The following WDR41 variants were observed in gnomAD, a reference collection of about 807,000 sequenced individuals.
WDR41 encodes WD repeat-containing protein 41.
Under a neutral mutation model 69.3 loss-of-function variants are expected in WDR41, and 63 were observed. The ratio of observed to expected loss-of-function variants is 0.91; its 90% CI spans 0.74 to 1.12. WDR41 has a LOEUF of 1.12. Among genes scored for constraint, WDR41 ranks in the 50% most tolerant of loss-of-function variants. WDR41 has a pLI of 0.00. For synonymous variants in WDR41, 185 were observed against 192.1 expected, an observed-to-expected ratio of 0.96 and a Z score of 0.31; for missense variants, 543 against 534.5, an observed-to-expected ratio of 1.02 and a Z score of -0.16.
At chr5:77,616,131 T>G (rs1190242620) in intron 1 of WDR41, among the ~76,000 whole-genome samples, 1 of 152,148 alleles carries the variant, frequency 6.6e-6, no homozygotes, top group East Asian at 1.9e-4. Flanking sequence ...CTTTTTTTTT[T>G]TTAGGTGGGG....
At chr5:77,602,440 C>A (rs1424594653) in intron 1 of WDR41, among the ~76,000 whole-genome samples, 1 of 152,086 alleles carries the variant, frequency 6.6e-6, no homozygotes, top group East Asian at 1.9e-4. Flanking sequence ...GTGCCCAGCC[C>A]ATTCTACTCT....
chr5:77,498,184 T>C (rs998219916), intron 1 of WDR41, among the ~76,000 whole-genome samples: 1 of 152,228 alleles, frequency 6.6e-6, no homozygotes, highest in African/African-American at 2.4e-5. Flanking sequence ...TATACAATAT[T>C]GTGAATGTAC....
At chr5:77,612,873 A>T (rs1348802170) in intron 1 of WDR41, among the ~76,000 whole-genome samples, 1 of 151,898 alleles carries the variant, frequency 6.6e-6, no homozygotes, top group East Asian at 1.9e-4. Context: ...TGCAGATGAC[A>T]TGATTGTATA....
chr5:77,545,740 T>C lies in WDR41; in HGVS notation c.43-56168A>G, dbSNP rs1194308881. ...GACCCACGCTGGCCAGTGCACCAGG[T>C]TCAAGGCGTTTGTTGCCTTGACTAC... On this transcript the variant is annotated intron_variant, in intron 1 of 5. Coordinates refer to the WDR41 transcript ENST00000509971. 3 of 584,414 alleles carry C rather than the reference T, an allele frequency of 5.1e-6. No individual in the cohort carries two copies. The African/African-American group carries it at 5.8e-5, about 11-fold the overall frequency. 36.2% of individuals were successfully genotyped at this position (584,414 alleles called of 1,614,324 possible). A position where few individuals can be genotyped will look rare whatever the true frequency, so the allele number is the denominator to read the frequency against.
Position 77,453,791 on chromosome 5 carries a change from T to C in WDR41, c.523+26A>G, listed in dbSNP as rs562688189. 4.5e-6 allele frequency: 7 copies of C among 1,571,178 alleles called. No homozygotes were observed. The African/African-American group carries it at 8.1e-5, about 18-fold the overall frequency. On this transcript the variant is annotated intron_variant, in intron 6 of 12. Transcript: ENST00000296679. The stretch of plus-strand genomic sequence containing the variant: ...GTGTCTTCTAGTCTGTCAATCATAG[T>C]TCAAAATTACCTTGATGTTTTTTAC...
intron 1 of WDR41, among the ~76,000 whole-genome samples, chr5:77,566,730 T>C (rs1430419270): frequency 3.9e-5 from 6 of 152,168 alleles, no homozygotes; most frequent in Admixed American, 3.3e-4. Flanking sequence ...GTCAGGATAA[T>C]AAGTGACTTG....
At chr5:77,478,032 G>C (rs1165141787) in intron 2 of WDR41, among the ~76,000 whole-genome samples, 1 of 152,136 alleles carries the variant, frequency 6.6e-6, no homozygotes, top group Non-Finnish European at 1.5e-5. Flanking sequence ...TACCATCAGA[G>C]AATATTACAG....
rs562053334 is a variant in WDR41 at position 77,583,208 on chromosome 5, G to T, written c.42+37271C>A. 2.7e-4 allele frequency: 204 copies of T among 751,450 alleles called. No homozygotes were observed. The African/African-American group carries it at 3.2e-3, about 12-fold the overall frequency. The allele number at this position is 751,450 out of a possible 1,614,324, so 46.5% of individuals were successfully genotyped here. A position where few individuals can be genotyped will look rare whatever the true frequency, so the allele number is the denominator to read the frequency against. On this transcript the variant is annotated intron_variant, in intron 1 of 5. Transcript: ENST00000509971. Reference sequence around the variant, plus strand: ...TTGAAATAAAAAAAAAAAGTGCAGAGGTTGAATTAGTAATTAAAAAAGCTA... The same window carrying T: ...TTGAAATAAAAAAAAAAAGTGCAGATGTTGAATTAGTAATTAAAAAAGCTA...
At chr5:77,582,583 C>T (rs1355262106) in intron 1 of WDR41, 2 of 1,600,032 alleles carry the variant, frequency 1.2e-6, no homozygotes, top group East Asian at 2.2e-5. Flanking sequence ...AACTGAAATT[C>T]GAGTGGCGAG....
chr5:77,543,407 G>A (rs189243795), intron 1 of WDR41, among the ~76,000 whole-genome samples: 21 of 151,472 alleles, frequency 1.4e-4, no homozygotes, highest in Admixed American at 5.2e-4. Flanking sequence ...TCCAAAAAAC[G>A]ATGCAAGTGA....
intron 2 of WDR41, among the ~76,000 whole-genome samples, chr5:77,483,264 A>G (rs1372824164): frequency 6.6e-6 from 1 of 151,990 alleles, no homozygotes; most frequent in Non-Finnish European, 1.5e-5. Context: ...CAGCCTCCCA[A>G]GTAGCTTGGA....
chr5:77,607,527 T>C (rs1021912461), intron 1 of WDR41, among the ~76,000 whole-genome samples: 1 of 152,248 alleles, frequency 6.6e-6, no homozygotes, highest in African/African-American at 2.4e-5. Context: ...CCAGGTCTAC[T>C]GCTACTTACC....
At position 77,453,930 on chromosome 5, in the gene WDR41, T is replaced by G. The variant is rs139443215; in HGVS notation, c.412-2A>C. ...TAGTCTCTGAAGAACAGTTAAACAC[T>G]GCAAAATTTATTTGAAATGTATATC... On this transcript the variant is annotated splice_acceptor_variant, in intron 5 of 12. Transcript: ENST00000296679. LOFTEE classifies it high-confidence loss of function. The G allele has an allele frequency of 5.0e-6, 8 of 1,609,946 alleles. No homozygotes were observed. Among genetic ancestry groups the G allele is most frequent in the South Asian group, 1.1e-5 (1 of 90,964 alleles).
chr5:77,568,865 G>A (rs1297221566), intron 1 of WDR41, among the ~76,000 whole-genome samples: 17 of 152,282 alleles, frequency 1.1e-4, no homozygotes, highest in Middle Eastern at 3.4e-3. Flanking sequence ...TCTGTGCTAC[G>A]TGTGCCGGAT....
chr5:77,604,378 G>A (rs1186311224), intron 1 of WDR41, among the ~76,000 whole-genome samples: 1 of 152,106 alleles, frequency 6.6e-6, no homozygotes, highest in Non-Finnish European at 1.5e-5. Context: ...TTCTCAGCTA[G>A]TTCTGGTGCT....
chr5:77,596,947 A>T (rs1455627073), intron 1 of WDR41, among the ~76,000 whole-genome samples: 1 of 151,842 alleles, frequency 6.6e-6, no homozygotes, highest in Admixed American at 6.6e-5. Context: ...GCGAAACCCC[A>T]TTTCTACAAA....
chr5:77,512,745 C>CAAAAAAAAGAAA (rs1802229795), intron 1 of WDR41, among the ~76,000 whole-genome samples: 1 of 74,084 alleles, frequency 1.3e-5, no homozygotes. Flanking sequence ...GACTCCATCT[C>CAAAAAAAAGAAA]AAAAAAAAAA....
chr5:77,548,814 A>G (rs898394616), intron 1 of WDR41, among the ~76,000 whole-genome samples: 7 of 152,210 alleles, frequency 4.6e-5, no homozygotes, highest in African/African-American at 1.7e-4. Context: ...TTATATGGAA[A>G]AGATACTTGC....
At chr5:77,518,868 C>T (rs961193012) in intron 1 of WDR41, among the ~76,000 whole-genome samples, 1 of 151,878 alleles carries the variant, frequency 6.6e-6, no homozygotes. Flanking sequence ...AATGAATAAT[C>T]TCAGTGAGAA....
Sources: allele counts gnomAD v4.1 joint callset (sites outside exome capture counted in the v4.1 genomes callset), GRCh38; gene constraint gnomAD v4.1.1; transcripts MANE v1.5; gene names NCBI Gene and HGNC (gene_info 2026-07-23, HGNC 2026-07-21).